UBE3D: variants seen among roughly 807,000 people sequenced by gnomAD.
UBE3D encodes the protein E3 ubiquitin-protein ligase E3D.
Under a neutral mutation model 49.6 loss-of-function variants are expected in UBE3D, and 48 were observed. The ratio of observed to expected loss-of-function variants is 0.97; its 90% CI spans 0.77 to 1.23. The LOEUF is 1.23. UBE3D is among the 50% of genes most tolerant of loss of function. The pLI is 0.00. For missense variants in UBE3D, 452 were observed against 468.4 expected, an observed-to-expected ratio of 0.96 and a Z score of 0.32; for synonymous variants, 189 against 174.2, an observed-to-expected ratio of 1.08 and a Z score of -0.67.
At chr6:83,043,364 T>A (rs868666748) in intron 4 of UBE3D, among the ~76,000 whole-genome samples, 1 of 151,896 alleles carries the variant, frequency 6.6e-6, no homozygotes, top group African/African-American at 2.4e-5. Flanking sequence ...ATTAATCATA[T>A]TAAATATAAC....
At chr6:82,958,683 G>A (rs943668094) in intron 8 of UBE3D, among the ~76,000 whole-genome samples, 5 of 152,186 alleles carry the variant, frequency 3.3e-5, no homozygotes, top group Non-Finnish European at 7.3e-5. Context: ...TTTTTGTGTA[G>A]GGGAGAATAG....
intron 8 of UBE3D, among the ~76,000 whole-genome samples, chr6:82,976,836 C>A (rs1029297719): frequency 1.5e-4 from 23 of 152,042 alleles, no homozygotes; most frequent in Non-Finnish European, 5.9e-5. Context: ...AAAGGTAGGC[C>A]GGGCACAGTG....
Position 82,899,374 on chromosome 6 carries a change from T to C in UBE3D, c.1150-6332A>G, listed in dbSNP as rs575556889. 9.9e-4 allele frequency among the ~76,000 whole-genome samples: 150 copies of C among 152,258 alleles called. 1 individual carries two copies. Among genetic ancestry groups the C allele is most frequent in the African/African-American group, 3.5e-3 (147 of 41,566 alleles). On this transcript the variant is annotated intron_variant, in intron 9 of 9. Transcript: ENST00000369747. Reference sequence around the variant, plus strand: ...CCCTGAACTTTCTGCACACATTCCATAAGAACTTTTAAAAGGTAGAAAGAA... The same window carrying C: ...CCCTGAACTTTCTGCACACATTCCACAAGAACTTTTAAAAGGTAGAAAGAA...
intron 2 of UBE3D, among the ~76,000 whole-genome samples, chr6:83,055,298 T>G (rs1011288237): frequency 6.6e-6 from 1 of 152,218 alleles, no homozygotes; most frequent in Non-Finnish European, 1.5e-5. Flanking sequence ...TGAGGTCATA[T>G]CCATCAGAAT....
intron 8 of UBE3D, among the ~76,000 whole-genome samples, chr6:82,959,353 A>G (rs1296162811): frequency 6.6e-6 from 1 of 151,076 alleles, no homozygotes; most frequent in Non-Finnish European, 1.5e-5. Flanking sequence ...ATCCGCTCAC[A>G]ACAGAAGCAG....
chr6:82,901,120 C>T (rs159054), intron 9 of UBE3D, among the ~76,000 whole-genome samples: 65,209 of 152,038 alleles, frequency 0.43, 19,343 homozygotes, highest in African/African-American at 0.84. Context: ...TAGATTTCTA[C>T]TTTTCTGGAC....
chr6:83,065,534 G>C lies in UBE3D; in HGVS notation c.77+108C>G. The C allele has an allele frequency of 5.6e-6, 6 of 1,081,076 alleles. No individual in the cohort carries two copies. The South Asian group carries it at 9.3e-5, about 17-fold the overall frequency. 67.0% of individuals were successfully genotyped at this position (1,081,076 alleles called of 1,614,324 possible). Reference sequence around the variant, plus strand: ...AGTGATCGAGAGGCTCTACGCAACTGGAAAGAAGAAACTCAAAATCCCTCG... The same window carrying C: ...AGTGATCGAGAGGCTCTACGCAACTCGAAAGAAGAAACTCAAAATCCCTCG... On this transcript the variant is annotated intron_variant, in intron 1 of 9. Transcript: ENST00000369747.
intron 8 of UBE3D, among the ~76,000 whole-genome samples, chr6:82,998,820 G>C (rs1335200284): frequency 6.6e-6 from 1 of 152,166 alleles, no homozygotes; most frequent in Non-Finnish European, 1.5e-5. Context: ...GAGTTACACA[G>C]TACTCTTTGC....
At chr6:82,967,593 C>T (rs1482555996) in intron 8 of UBE3D, among the ~76,000 whole-genome samples, 1 of 152,018 alleles carries the variant, frequency 6.6e-6, no homozygotes, top group Non-Finnish European at 1.5e-5. Context: ...TATAACTCAC[C>T]ATAATTCCCT....
At position 82,934,179 on chromosome 6, in the gene UBE3D, C is replaced by T. The variant is rs144098263; in HGVS notation, c.1149+23133G>A. Among the ~76,000 whole-genome samples the T allele has an allele frequency of 9.2e-5, 14 of 152,240 alleles. No homozygotes were observed. The East Asian group carries it at 2.1e-3, about 23-fold the overall frequency. ...CCTTCACACACTCTCTCTCACCCAC[C>T]GCCATGTAAGACATGCCTTGCTTCC... On this transcript the variant is annotated intron_variant, in intron 9 of 9. Transcript: ENST00000369747.
intron 8 of UBE3D, among the ~76,000 whole-genome samples, chr6:82,974,197 G>A (rs76701481): frequency 0.01 from 1,550 of 152,254 alleles, 23 homozygotes; most frequent in East Asian, 0.068. Flanking sequence ...AATGTAATGT[G>A]TACGAATCAT....
At chr6:83,005,357 C>T (rs1362780145) in intron 8 of UBE3D, among the ~76,000 whole-genome samples, 1 of 151,496 alleles carries the variant, frequency 6.6e-6, no homozygotes, top group East Asian at 1.9e-4. Context: ...TGTGGAGAAA[C>T]TGGACTGCTT....
rs117997456 is a variant in UBE3D at position 82,973,492 on chromosome 6, G to A, written c.1011-16042C>T. Reference sequence around the variant, plus strand: ...GAGGTAGAACAAAATATTTTTAAATGGCAGCTTTAAAACCTAAGAAGAATT... The same window carrying A: ...GAGGTAGAACAAAATATTTTTAAATAGCAGCTTTAAAACCTAAGAAGAATT... On this transcript the variant is annotated intron_variant, in intron 8 of 9. Transcript: ENST00000369747. 5.5e-4 allele frequency among the ~76,000 whole-genome samples: 83 copies of A among 152,234 alleles called. No homozygotes were observed. The East Asian group carries it at 0.016, about 29-fold the overall frequency.
At chr6:82,929,727 A>G (rs1395515390) in intron 9 of UBE3D, among the ~76,000 whole-genome samples, 2 of 151,948 alleles carry the variant, frequency 1.3e-5, no homozygotes, top group Admixed American at 1.3e-4. Flanking sequence ...AAATTATGCT[A>G]TTTTTAAGAA....
At chr6:83,042,864 G>A (rs1207158916) in intron 4 of UBE3D, among the ~76,000 whole-genome samples, 1 of 152,216 alleles carries the variant, frequency 6.6e-6, no homozygotes, top group African/African-American at 2.4e-5. Context: ...TCCCACAGGA[G>A]CCTTGAGAGC....
At chr6:83,007,636 G>A (rs1331275058) in intron 8 of UBE3D, among the ~76,000 whole-genome samples, 2 of 152,122 alleles carry the variant, frequency 1.3e-5, no homozygotes, top group African/African-American at 2.4e-5. Flanking sequence ...AAGTTAAAGT[G>A]GATTATATTT....
At chr6:83,046,677 G>GT (rs1554211662) in intron 3 of UBE3D, among the ~76,000 whole-genome samples, 9 of 136,078 alleles carry the variant, frequency 6.6e-5, no homozygotes, top group South Asian at 2.6e-4. Context: ...GTTGGCGGGG[G>GT]GGGTGGGCGG....
chr6:83,065,603 AAGC>A, intron 1 of UBE3D, 36 bp downstream of exon 1: 2 of 1,606,224 alleles, frequency 1.2e-6, no homozygotes, highest in Non-Finnish European at 1.7e-6. Flanking sequence ...GGCAGCAGTA[AAGC>A]GAGCTGGGCA....
intron 9 of UBE3D, among the ~76,000 whole-genome samples, chr6:82,917,677 G>T (rs1353758218): frequency 6.6e-6 from 1 of 152,218 alleles, no homozygotes; most frequent in Non-Finnish European, 1.5e-5. Context: ...CACAAACCTG[G>T]AATGGGAACT....
Sources: gnomAD v4.1 joint callset for allele counts (sites outside exome capture counted in the v4.1 genomes callset) on GRCh38, gnomAD v4.1.1 for gene constraint, MANE v1.5 for transcripts, NCBI Gene and HGNC (gene_info 2026-07-23, HGNC 2026-07-21) for gene names.